CADPS: variants seen among roughly 807,000 people sequenced by gnomAD.
The protein encoded by CADPS is calcium-dependent secretion activator 1.
In CADPS, 57 loss-of-function variants were observed where a neutral mutation model predicts 167.3. The observed-to-expected ratio is 0.34, with a 90% CI of 0.28 to 0.42. The LOEUF is 0.42. Among genes scored for constraint, CADPS ranks in the 20% least tolerant of loss-of-function variants. CADPS has a pLI of 1.00. For missense variants in CADPS, 1,414 were observed against 1,738.1 expected (o/e 0.81, Z 3.32); for synonymous variants, 676 against 635.3 (o/e 1.06, Z -0.96).
intron 29 of CADPS, among the ~76,000 whole-genome samples, chr3:62,401,343 T>A (rs1706034643): frequency 6.6e-6 from 1 of 152,198 alleles, no homozygotes; most frequent in South Asian, 2.1e-4. Context: ...TTATTCAAAT[T>A]CCATAGCAAC....
chr3:62,771,279 C>T (rs921068730), intron 1 of CADPS, among the ~76,000 whole-genome samples: 5 of 152,110 alleles, frequency 3.3e-5, no homozygotes, highest in African/African-American at 1.2e-4. Context: ...TAGGCTCTGG[C>T]GATATAACAG....
chr3:62,757,946 A>G (rs962780393), intron 2 of CADPS, among the ~76,000 whole-genome samples: 4 of 152,202 alleles, frequency 2.6e-5, no homozygotes, highest in Admixed American at 2.6e-4. Context: ...ACAGCATGGG[A>G]AAGACCTGCT....
chr3:62,551,173 T>C (rs1248896532), intron 10 of CADPS, among the ~76,000 whole-genome samples: 3 of 152,210 alleles, frequency 2.0e-5, no homozygotes, highest in Non-Finnish European at 4.4e-5. Context: ...CAGGGATATC[T>C]GATAGACATC....
intron 3 of CADPS, among the ~76,000 whole-genome samples, chr3:62,726,569 A>C (rs1055837291): frequency 4.6e-5 from 7 of 151,848 alleles, no homozygotes; most frequent in African/African-American, 2.4e-5. Context: ...TATCTCTACT[A>C]GGAAACCTAA....
Position 62,481,759 on chromosome 3 carries a change from G to A in CADPS, c.3137C>T (p.Ser1046Leu), listed in dbSNP as rs373178609. Reference protein sequence around the residue: ...PLGIPQMPTFSAPSWMAAIYD... With the variant: ...PLGIPQMPTFLAPSWMAAIYD... ...TATAGCAGCCATCCATGACGGTGCCGAAAAAGTAGGCATTTGTGGGATGCC... is the reference window on the plus strand; with the variant it reads ...TATAGCAGCCATCCATGACGGTGCCAAAAAAGTAGGCATTTGTGGGATGCC... Residue 1046 changes from serine (S) to leucine (L), a missense_variant, in exon 22 of 30, where the codon TCG becomes TTG. Physicochemically the swap from Ser to Leu is moderately radical, Grantham distance 145. This residue lies in a region of CADPS where 529 missense variants were observed against 629.6 expected (regional missense o/e 0.84). Coordinates refer to ENST00000383710, the MANE Select transcript of CADPS (RefSeq NM_003716.4). 8 of 1,608,940 alleles carry A rather than the reference G, an allele frequency of 5.0e-6. No homozygotes were observed. Among genetic ancestry groups the A allele is most frequent in the East Asian group, 4.5e-5 (2 of 44,784 alleles).
rs562620614 is a variant in CADPS, at chr3:62,690,567, CTG to C, written c.889-28175_889-28174del. Among the ~76,000 whole-genome samples the C allele has an allele frequency of 5.9e-4, 90 of 151,970 alleles. 2 individuals carry two copies. In the East Asian group the frequency reaches 0.016, roughly 27 times the overall value. ...TGTTAAGTTAAAAAGAGAACCCGGA[CTG>C]TCCCTGTGTCCATGCGGCATGGTAG... On this transcript the variant is annotated intron_variant, in intron 3 of 29. Coordinates refer to ENST00000383710, the MANE Select transcript of CADPS (RefSeq NM_003716.4).
rs528221202 is a variant in CADPS at position 62,464,339 on chromosome 3, T to G, written c.3636+1028A>C. Among the ~76,000 whole-genome samples, 6 of 152,334 alleles carry G rather than the reference T, an allele frequency of 3.9e-5. No individual in the cohort carries two copies. The South Asian group carries it at 1.2e-3, about 32-fold the overall frequency. ...CCTGTGCTGGGCCTTGTCTTGGCAT[T>G]CAGTCACTATCTGGGAGATTCTTCA... On this transcript the variant is annotated intron_variant, in intron 26 of 29. Coordinates refer to ENST00000383710, the MANE Select transcript of CADPS (RefSeq NM_003716.4).
intron 29 of CADPS, among the ~76,000 whole-genome samples, chr3:62,402,243 G>GA (rs1225481368): frequency 1.5e-5 from 2 of 129,512 alleles, no homozygotes; most frequent in South Asian, 5.7e-4. Context: ...TGGGGGCGGG[G>GA]GGGGGGGGTG....
rs571416372 is a variant in CADPS at position 62,514,300 on chromosome 3, G to T, written c.2582-1532C>A. On this transcript the variant is annotated intron_variant, in intron 16 of 29. Coordinates refer to ENST00000383710, the MANE Select transcript of CADPS (RefSeq NM_003716.4). This position sits in a 1 kb window ranked among gnomAD's most constrained non-coding sequence, Gnocchi z 4.2. Reference sequence around the variant, plus strand: ...AGAAAACCTGATACATGCAGCCAGAGGATGTTGGGTTGTCTGAATTAACAA... The same window carrying T: ...AGAAAACCTGATACATGCAGCCAGATGATGTTGGGTTGTCTGAATTAACAA... Among the ~76,000 whole-genome samples, 13 of 152,190 alleles carry T rather than the reference G, an allele frequency of 8.5e-5. No individual in the cohort carries two copies. In the South Asian group the frequency reaches 2.5e-3, roughly 29 times the overall value.
intron 12 of CADPS, 74 bp from the exon 13 acceptor site, chr3:62,533,132 G>C: frequency 7.5e-7 from 1 of 1,326,988 alleles, no homozygotes; most frequent in Non-Finnish European, 1.1e-6. Context: ...AGTTGGGAGT[G>C]GCTAGAGAAG....
intron 1 of CADPS, among the ~76,000 whole-genome samples, chr3:62,782,595 T>G (rs1160122074): frequency 1.3e-5 from 2 of 152,164 alleles, no homozygotes; most frequent in Admixed American, 1.3e-4. Flanking sequence ...TGGCCATGAA[T>G]GATGGTCACA....
intron 3 of CADPS, among the ~76,000 whole-genome samples, chr3:62,750,259 GA>G (rs1009548224): frequency 7.1e-6 from 1 of 140,534 alleles, no homozygotes; most frequent in African/African-American, 2.6e-5. Context: ...GCTGAGGCAT[GA>G]GAATTGCTTG....
At position 62,673,033 on chromosome 3, in the gene CADPS, T is replaced by A. The variant is rs924594451; in HGVS notation, c.889-10639A>T. On this transcript the variant is annotated intron_variant, in intron 3 of 29. Transcript: ENST00000383710. ...TCACCTCTTCTAGGCCACCCTAACA[T>A]CCTGAACCTCCTCTTTTATCACTCC... 2.6e-5 allele frequency among the ~76,000 whole-genome samples: 4 copies of A among 152,330 alleles called. No individual in the cohort carries two copies. The East Asian group carries it at 7.7e-4, about 29-fold the overall frequency.
chr3:62,727,610 T>C (rs1218841639), intron 3 of CADPS, among the ~76,000 whole-genome samples: 1 of 151,838 alleles, frequency 6.6e-6, no homozygotes, highest in Non-Finnish European at 1.5e-5. Flanking sequence ...CCTGCGGAGA[T>C]GTAGGGCTTT....
intron 1 of CADPS, among the ~76,000 whole-genome samples, chr3:62,825,587 T>C (rs1397813085): frequency 6.6e-6 from 1 of 152,080 alleles, no homozygotes; most frequent in African/African-American, 2.4e-5. Flanking sequence ...CCCTTGTTGG[T>C]GAGGAAAGTG....
At chr3:62,402,242 G>GGA (rs1489944762) in intron 29 of CADPS, among the ~76,000 whole-genome samples, 3 of 76,426 alleles carry the variant, frequency 3.9e-5, no homozygotes, top group African/African-American at 2.0e-4. Context: ...GTGGGGGCGG[G>GGA]GGGGGGGGGT....
intron 9 of CADPS, among the ~76,000 whole-genome samples, chr3:62,569,298 C>T (rs1392027818): frequency 6.6e-6 from 1 of 152,144 alleles, no homozygotes; most frequent in African/African-American, 2.4e-5. Flanking sequence ...GACAGGGTTT[C>T]ACCATGTTGG....
intron 18 of CADPS, among the ~76,000 whole-genome samples, chr3:62,497,943 C>T (rs575646843): frequency 3.3e-5 from 5 of 152,272 alleles, no homozygotes; most frequent in Middle Eastern, 3.4e-3. Context: ...GCTTCATGCA[C>T]GCACAAGAGA....
rs542534033 is a variant in CADPS at position 62,610,467 on chromosome 3, T to G, written c.1326-17719A>C. 1.6e-4 allele frequency among the ~76,000 whole-genome samples: 25 copies of G among 152,200 alleles called. No individual in the cohort carries two copies. The South Asian group carries it at 4.8e-3, about 29-fold the overall frequency. On this transcript the variant is annotated intron_variant, in intron 6 of 29. Coordinates refer to ENST00000383710, the MANE Select transcript of CADPS (RefSeq NM_003716.4). ...GGTTTCACCGGGTTGGCCAGGCTGG[T>G]GTTGAACTCCTGACCTCAAGTGATC...
Sources: gnomAD v4.1 joint callset for allele counts (sites outside exome capture counted in the v4.1 genomes callset) on GRCh38, gnomAD v4.1.1 for gene constraint, gnomAD v4.1.1 regional missense constraint, Gnocchi (gnomAD v3.1) non-coding constraint, MANE v1.5 for transcripts, NCBI Gene and HGNC (gene_info 2026-07-23, HGNC 2026-07-21) for gene names.